The following KHK variants were observed in gnomAD, a reference collection of about 807,000 sequenced individuals.
The protein encoded by KHK is fructokinase.
Under a neutral mutation model 36.0 loss-of-function variants are expected in KHK, and 37 were observed. That is an observed-to-expected ratio of 1.03 (90% confidence interval 0.79 to 1.35). The LOEUF (loss-of-function observed/expected upper bound fraction) is 1.35, where lower values mean the gene tolerates loss of function less well. KHK is among the 40% of genes most tolerant of loss of function. KHK has a pLI of 0.00. For synonymous variants in KHK, 161 were observed against 162.8 expected (o/e 0.99, Z 0.08); for missense variants, 395 against 391.9 (o/e 1.01, Z -0.07).
chr2:27,098,156 G>C (rs1352532620), intron 5 of KHK, among the ~76,000 whole-genome samples: 1 of 152,128 alleles, frequency 6.6e-6, no homozygotes, highest in Non-Finnish European at 1.5e-5. Context: ...CATAGCAGAA[G>C]TTGGTTGGAG....
rs1558455631 is a variant in KHK at position 27,100,518 on chromosome 2, A to G, written c.*768A>G. The G allele has an allele frequency of 1.5e-6, 2 of 1,291,004 alleles. No homozygotes were observed. The highest frequency in any genetic ancestry group is 2.0e-6 in the Non-Finnish European group (2 of 988,810). 80.0% of individuals were successfully genotyped at this position (1,291,004 alleles called of 1,614,324 possible). ...TGGAACACATATTGGAATTGGGGCC[A>G]ACTCCAATATAGGGTGGGTAAGGCC... is the stretch of plus-strand genomic sequence containing the variant. On this transcript the variant is annotated 3_prime_UTR_variant, in exon 8 of 8. Coordinates refer to ENST00000260598, the MANE Select transcript of KHK (RefSeq NM_006488.3).
chr2:27,097,513 C>T lies in KHK; in HGVS notation c.428C>T (p.Ala143Val). 1 of 1,613,700 alleles carries T rather than the reference C, an allele frequency of 6.2e-7. No individual in the cohort carries two copies. The highest frequency in any genetic ancestry group is 1.7e-5 in the Admixed American group (1 of 60,024). ...FKWIHIEGRN[A>V]SEQVKMLQRI... ...CCTGTCCTGTACCAGGGCCGGAACG[C>T]ATCGGAGCAGGTGAAGATGCTGCAG... The change falls in exon 5 of 8, where the codon GCA becomes GTA. Residue 143 changes from alanine to valine, a missense_variant. By Grantham distance (64) the Ala-to-Val change is moderately conservative. Coordinates refer to ENST00000260598, the MANE Select transcript of KHK (RefSeq NM_006488.3).
Position 27,096,778 on chromosome 2 carries a change from C to A in KHK, c.394C>A (p.Gln132Lys). The A allele has an allele frequency of 6.2e-7, 1 of 1,614,034 alleles. No individual in the cohort carries two copies. The highest frequency in any genetic ancestry group is 8.5e-7 in the Non-Finnish European group (1 of 1,179,916). The change falls in exon 4 of 8, where the codon CAG (glutamine) becomes AAG (lysine). Residue 132 changes from glutamine (Q) to lysine (K), a missense_variant. Coordinates refer to ENST00000260598, the MANE Select transcript of KHK (RefSeq NM_006488.3). ...AGACTTTGAGAAGGTTGATCTGACC[C>A]AGTTCAAGTGGATCCACATTGAGGT... ...ATDFEKVDLT[Q>K]FKWIHIEGRN...
At chr2:27,087,447 C>T in intron 1 of KHK, 96 bp downstream of exon 1, 1 of 959,978 alleles carries the variant, frequency 1.0e-6, no homozygotes, top group African/African-American at 1.6e-5. Context: ...CAGTGAGGCC[C>T]TGAGAACCCG....
chr2:27,097,763 G>A, intron 5 of KHK, 114 bp downstream of exon 5: 2 of 1,479,718 alleles, frequency 1.4e-6, no homozygotes, highest in Non-Finnish European at 1.9e-6. Flanking sequence ...CTGGTTTGGT[G>A]GTGTTTGAAG....
At chr2:27,098,899 C>G in intron 5 of KHK, 3 of 386,210 alleles carry the variant, frequency 7.8e-6, no homozygotes, top group South Asian at 6.7e-5. Flanking sequence ...ATATAAGCAT[C>G]GATAAAAATA....
chr2:27,090,089 C>T (rs915552984), intron 1 of KHK, among the ~76,000 whole-genome samples: 5 of 152,204 alleles, frequency 3.3e-5, no homozygotes, highest in African/African-American at 4.8e-5. Flanking sequence ...CGACGTCAGG[C>T]GATCCGCCTG....
In KHK at chr2:27,099,584, A is replaced by G; in HGVS notation, c.811+7A>G. ...ATCTTCAGCCTCTCCCAGGGTGAGT[A>G]TGGCAGCAGGAGGGGAAAAGGACTG... On this transcript the variant is annotated splice_region_variant and intron_variant, in intron 7 of 7. Coordinates refer to ENST00000260598, the MANE Select transcript of KHK (RefSeq NM_006488.3). The G allele has an allele frequency of 1.2e-6, 2 of 1,614,116 alleles. No individual in the cohort carries two copies. Among genetic ancestry groups the G allele is most frequent in the Non-Finnish European group, 1.7e-6 (2 of 1,180,012 alleles).
In KHK at chr2:27,100,368, C is replaced by T. The variant is rs1003936668; in HGVS notation, c.*618C>T. On this transcript the variant is annotated 3_prime_UTR_variant, in exon 8 of 8. Transcript: ENST00000260598. Reference sequence around the variant, plus strand: ...GGTCTTCATTGTCCAGAAATACCTCCTCCCGCTGACTGCCCCAGAGCCTGA... The same window carrying T: ...GGTCTTCATTGTCCAGAAATACCTCTTCCCGCTGACTGCCCCAGAGCCTGA... 4 of 1,195,516 alleles carry T rather than the reference C, an allele frequency of 3.3e-6. No homozygotes were observed. In the Admixed American group the frequency reaches 6.9e-5, roughly 21 times the overall value. The allele number at this position is 1,195,516 out of a possible 1,614,324, so 74.1% of individuals were successfully genotyped here.
rs1272917989 is a variant in KHK, at chr2:27,097,543, T to C, written c.458T>C (p.Ile153Thr). ...ASEQVKMLQR[I>T]DAHNTRQPPE... is the part of the protein sequence containing the mutation. ...GAGCAGGTGAAGATGCTGCAGCGGA[T>C]AGACGCACACAACACCAGGCAGCCT... The change falls in exon 5 of 8, where the codon ATA (isoleucine) becomes ACA (threonine). Residue 153 changes from isoleucine to threonine, a missense_variant. Physicochemically the swap from Ile to Thr is moderately conservative, Grantham distance 89. Transcript: ENST00000260598. The C allele has an allele frequency of 6.2e-6, 10 of 1,613,930 alleles. No individual in the cohort carries two copies. The highest frequency in any genetic ancestry group is 7.6e-6 in the Non-Finnish European group (9 of 1,180,040).
Position 27,100,488 on chromosome 2 carries a change from C to T in KHK, c.*738C>T, listed in dbSNP as rs1480116603. 8.5e-6 allele frequency: 11 copies of T among 1,290,936 alleles called. No homozygotes were observed. The highest frequency in any genetic ancestry group is 2.5e-5 in the South Asian group (2 of 81,024). The allele number at this position is 1,290,936 out of a possible 1,614,324, so 80.0% of individuals were successfully genotyped here. A position where few individuals can be genotyped will look rare whatever the true frequency, so the allele number is the denominator to read the frequency against. ...GAGTGTTGCTGTCCTCAGGGAGGTCCGATCTGGAACACATATTGGAATTGG... is the reference window on the plus strand; with the variant it reads ...GAGTGTTGCTGTCCTCAGGGAGGTCTGATCTGGAACACATATTGGAATTGG... On this transcript the variant is annotated 3_prime_UTR_variant, in exon 8 of 8. Transcript: ENST00000260598.
Position 27,096,758 on chromosome 2 carries a change from T to C in KHK, c.374T>C (p.Phe125Ser). Residue 125 changes from phenylalanine to serine, a missense_variant, in exon 4 of 8, where the codon TTT becomes TCT. Transcript: ENST00000260598. ...CTGCCAGATGTGTCTGCTACAGACTTTGAGAAGGTTGATCTGACCCAGTTC... is the reference window on the plus strand; with the variant it reads ...CTGCCAGATGTGTCTGCTACAGACTCTGAGAAGGTTGATCTGACCCAGTTC... ...TSLPDVSATD[F>S]EKVDLTQFKW... 1 of 1,614,100 alleles carries C rather than the reference T, an allele frequency of 6.2e-7. No homozygotes were observed.
At chr2:27,097,236 C>T (rs1558449246) in intron 4 of KHK, among the ~76,000 whole-genome samples, 1 of 152,220 alleles carries the variant, frequency 6.6e-6, no homozygotes, top group Non-Finnish European at 1.5e-5. Context: ...CTGAGAAGTC[C>T]TGAGTTCTAG....
At position 27,100,063 on chromosome 2, in the gene KHK, C is replaced by T; in HGVS notation, c.*313C>T. The T allele has an allele frequency of 3.2e-6, 2 of 619,924 alleles. No individual in the cohort carries two copies. The highest frequency in any genetic ancestry group is 2.8e-6 in the Non-Finnish European group (1 of 353,444). 38.4% of individuals were successfully genotyped at this position (619,924 alleles called of 1,614,324 possible). On this transcript the variant is annotated 3_prime_UTR_variant, in exon 8 of 8. Coordinates refer to ENST00000260598, the MANE Select transcript of KHK (RefSeq NM_006488.3). ...TCTTTGTGTCCATTCCCCAAATTAA[C>T]CTCTCCGCCCAGGCCCAGAGGAGGG...
Position 27,099,954 on chromosome 2 carries a change from A to G in KHK, c.*204A>G. Reference sequence around the variant, plus strand: ...GGATGCAGAGCCTCAGAGCAAATAAATCTTCCTCAGAGCCAGCTTCTCCTC... The same window carrying G: ...GGATGCAGAGCCTCAGAGCAAATAAGTCTTCCTCAGAGCCAGCTTCTCCTC... On this transcript the variant is annotated 3_prime_UTR_variant, in exon 8 of 8. Transcript: ENST00000260598. 1 of 1,159,286 alleles carries G rather than the reference A, an allele frequency of 8.6e-7. No individual in the cohort carries two copies. The highest frequency in any genetic ancestry group is 1.3e-6 in the Non-Finnish European group (1 of 796,608). The allele number at this position is 1,159,286 out of a possible 1,614,324, so 71.8% of individuals were successfully genotyped here. A position where few individuals can be genotyped will look rare whatever the true frequency, so the allele number is the denominator to read the frequency against.
chr2:27,093,479 A>G (rs1670133742), intron 2 of KHK, among the ~76,000 whole-genome samples: 1 of 152,190 alleles, frequency 6.6e-6, no homozygotes, highest in Admixed American at 6.5e-5. Flanking sequence ...ACATTTAGAG[A>G]GCACCTACCA....
Position 27,094,917 on chromosome 2 carries a change from C to T in KHK, c.327C>T (p.Thr109=), listed in dbSNP as rs371426923. Residue 109 remains threonine, a synonymous_variant, in exon 3 of 8, where the codon ACC becomes ACT. Transcript: ENST00000260598. ...CIINNSNGNR[T]IVLHDTSLPD... is the part of the protein sequence containing the mutation. ...TCAACAACTCCAATGGCAACCGTAC[C>T]ATTGTGCTCCATGACACGTAAGGCC... 2 of 1,613,854 alleles carry T rather than the reference C, an allele frequency of 1.2e-6. No homozygotes were observed. The highest frequency in any genetic ancestry group is 1.3e-5 in the African/African-American group (1 of 74,952).
chr2:27,100,095 T>C lies in KHK; in HGVS notation c.*345T>C. 1 of 588,172 alleles carries C rather than the reference T, an allele frequency of 1.7e-6. No homozygotes were observed. The highest frequency in any genetic ancestry group is 3.0e-6 in the Non-Finnish European group (1 of 331,734). 36.4% of individuals were successfully genotyped at this position (588,172 alleles called of 1,614,324 possible). On this transcript the variant is annotated 3_prime_UTR_variant, in exon 8 of 8. Coordinates refer to ENST00000260598, the MANE Select transcript of KHK (RefSeq NM_006488.3). ...GCCCAGGCCCAGAGGAGGGGCTGCC[T>C]GGGCTAGAGCAGCGAGAAGTGCCCT...
chr2:27,094,499 C>T lies in KHK; in HGVS notation c.210-301C>T, dbSNP rs762051940. On this transcript the variant is annotated intron_variant, in intron 2 of 7. Coordinates refer to ENST00000260598, the MANE Select transcript of KHK (RefSeq NM_006488.3). ...CAGTTTTGTCCTGGATGACCTCCGCCGCTATTCTGTGGACCTACGCTACAC... is the reference window on the plus strand; with the variant it reads ...CAGTTTTGTCCTGGATGACCTCCGCTGCTATTCTGTGGACCTACGCTACAC... 17 of 1,613,872 alleles carry T rather than the reference C, an allele frequency of 1.1e-5. No individual in the cohort carries two copies. The highest frequency in any genetic ancestry group is 3.3e-5 in the Admixed American group (2 of 60,002).
Sources: gnomAD v4.1 joint callset for allele counts (sites outside exome capture counted in the v4.1 genomes callset) on GRCh38, gnomAD v4.1.1 for gene constraint, MANE v1.5 for transcripts, NCBI Gene and HGNC (gene_info 2026-07-23, HGNC 2026-07-21) for gene names.